The following ARHGAP15 variants were observed in gnomAD, a reference collection of about 807,000 sequenced individuals.
The protein encoded by ARHGAP15 is Rho GTPase activating protein 15.
ARHGAP15 carries 51 observed loss-of-function variants against 63.7 expected under a neutral mutation model. The ratio of observed to expected loss-of-function variants is 0.80; its 90% CI spans 0.64 to 1.01. ARHGAP15 has a LOEUF of 1.01. Among genes scored for constraint, ARHGAP15 ranks in the 50% least tolerant of loss-of-function variants. The probability of loss-of-function intolerance (pLI) is 0.00; values close to 1 mark genes in which losing one functional copy is unlikely to be tolerated. For synonymous variants in ARHGAP15, 191 were observed against 193.8 expected (o/e 0.99, Z 0.12); for missense variants, 560 against 564.6 (o/e 0.99, Z 0.08).
chr2:143,202,234 A>C (rs1400649623), intron 3 of ARHGAP15, 32 bp downstream of exon 3: 8 of 1,543,922 alleles, frequency 5.2e-6, no homozygotes, highest in Non-Finnish European at 7.2e-6. Context: ...TTCTTCATCT[A>C]CTGATACAAA....
intron 6 of ARHGAP15, among the ~76,000 whole-genome samples, chr2:143,284,439 A>T (rs1424056850): frequency 6.6e-6 from 1 of 152,218 alleles, no homozygotes. Flanking sequence ...TGAAGTTTAT[A>T]TATGAGTATG....
chr2:143,140,904 TG>T (rs1226998219), intron 1 of ARHGAP15, among the ~76,000 whole-genome samples: 2 of 152,160 alleles, frequency 1.3e-5, no homozygotes, highest in Admixed American at 1.3e-4. Flanking sequence ...CTGTATCCTA[TG>T]GCCAGCTGGC....
intron 13 of ARHGAP15, among the ~76,000 whole-genome samples, chr2:143,727,980 T>C (rs534729337): frequency 2.1e-4 from 32 of 152,366 alleles, no homozygotes; most frequent in African/African-American, 7.0e-4. Flanking sequence ...ATGTGTATCT[T>C]TTTTCTATAT....
intron 2 of ARHGAP15, among the ~76,000 whole-genome samples, chr2:143,180,828 C>T (rs1028477452): frequency 6.6e-6 from 1 of 152,064 alleles, no homozygotes; most frequent in Non-Finnish European, 1.5e-5. Flanking sequence ...CGCCCACCAA[C>T]ACGCCAGGCT....
intron 10 of ARHGAP15, among the ~76,000 whole-genome samples, chr2:143,537,855 A>G (rs910728112): frequency 3.3e-5 from 5 of 151,998 alleles, no homozygotes; most frequent in Non-Finnish European, 5.9e-5. Flanking sequence ...TTGACTTGGC[A>G]ATGCGGGCTC....
At chr2:143,152,406 C>G (rs747824823) in intron 1 of ARHGAP15, among the ~76,000 whole-genome samples, 9 of 151,994 alleles carry the variant, frequency 5.9e-5, no homozygotes, top group Non-Finnish European at 8.8e-5. Context: ...CAGACTTCCT[C>G]TCTCTCCACC....
chr2:143,263,829 CCT>C (rs1248343560), intron 6 of ARHGAP15, among the ~76,000 whole-genome samples: 1 of 148,936 alleles, frequency 6.7e-6, no homozygotes, highest in African/African-American at 2.5e-5. Flanking sequence ...TGGCTGCTTG[CCT>C]CTCTGTCCTG....
chr2:143,536,740 A>G (rs1020412733), intron 10 of ARHGAP15, among the ~76,000 whole-genome samples: 5 of 151,738 alleles, frequency 3.3e-5, no homozygotes, highest in African/African-American at 4.8e-5. Context: ...TCCATGGTGT[A>G]TATGTGCCAC....
intron 1 of ARHGAP15, among the ~76,000 whole-genome samples, chr2:143,145,444 T>C (rs1230472578): frequency 6.6e-6 from 1 of 152,050 alleles, no homozygotes; most frequent in Non-Finnish European, 1.5e-5. Context: ...TCTACCTTTC[T>C]ATTGCCAATC....
chr2:143,642,133 T>C (rs1680633248), intron 12 of ARHGAP15, among the ~76,000 whole-genome samples: 2 of 152,210 alleles, frequency 1.3e-5, no homozygotes, highest in South Asian at 4.1e-4. Context: ...TGTAAATATT[T>C]ATATGTAGAG....
chr2:143,553,008 A>T (rs1695639512), intron 10 of ARHGAP15, among the ~76,000 whole-genome samples: 1 of 152,200 alleles, frequency 6.6e-6, no homozygotes, highest in Admixed American at 6.5e-5. Flanking sequence ...CATGAAAAGG[A>T]TGTCCAAATC....
intron 8 of ARHGAP15, among the ~76,000 whole-genome samples, chr2:143,487,162 T>A (rs1692360706): frequency 6.6e-6 from 1 of 152,196 alleles, no homozygotes; most frequent in South Asian, 2.1e-4. Context: ...ATGGAACTAA[T>A]CCCATTCTCA....
intron 6 of ARHGAP15, among the ~76,000 whole-genome samples, chr2:143,336,838 G>T (rs752862703): frequency 6.6e-6 from 1 of 152,102 alleles, no homozygotes; most frequent in South Asian, 2.1e-4. Flanking sequence ...TCACATTTCA[G>T]TTTTATTTAT....
At chr2:143,244,042 A>T (rs1000865757) in intron 5 of ARHGAP15, among the ~76,000 whole-genome samples, 4 of 152,330 alleles carry the variant, frequency 2.6e-5, no homozygotes, top group African/African-American at 9.6e-5. Flanking sequence ...TGGAAATATT[A>T]TTCCATATGT....
At chr2:143,420,939 T>A (rs1368257616) in intron 6 of ARHGAP15, among the ~76,000 whole-genome samples, 1 of 152,166 alleles carries the variant, frequency 6.6e-6, no homozygotes, top group Non-Finnish European at 1.5e-5. Context: ...TGCTAGTAAC[T>A]ACTCCCAGAT....
chr2:143,340,323 G>C (rs944576552), intron 6 of ARHGAP15, among the ~76,000 whole-genome samples: 3 of 152,122 alleles, frequency 2.0e-5, no homozygotes, highest in African/African-American at 7.2e-5. Flanking sequence ...AGAAAAAAAG[G>C]CCTGTGGGTG....
At chr2:143,548,072 C>T (rs13007287) in intron 10 of ARHGAP15, among the ~76,000 whole-genome samples, 1 of 152,160 alleles carries the variant, frequency 6.6e-6, no homozygotes, top group Non-Finnish European at 1.5e-5. Context: ...AGCAATGTAA[C>T]AACACCTGTC....
intron 6 of ARHGAP15, among the ~76,000 whole-genome samples, chr2:143,269,942 A>G (rs1455490662): frequency 6.6e-6 from 1 of 152,052 alleles, no homozygotes; most frequent in East Asian, 1.9e-4. Context: ...TATAAGAAAA[A>G]TATTTCTCCA....
intron 13 of ARHGAP15, among the ~76,000 whole-genome samples, chr2:143,733,027 T>C (rs139944138): frequency 6.6e-6 from 1 of 151,344 alleles, no homozygotes; most frequent in African/African-American, 2.4e-5. Context: ...TCTACCCCAG[T>C]CATGTCACAT....
Sources: gnomAD v4.1 joint callset for allele counts (sites outside exome capture counted in the v4.1 genomes callset) on GRCh38, gnomAD v4.1.1 for gene constraint, MANE v1.5 for transcripts, NCBI Gene and HGNC (gene_info 2026-07-23, HGNC 2026-07-21) for gene names.